AP2A2: variants seen among roughly 807,000 people sequenced by gnomAD.
The protein encoded by AP2A2 is AP-2 complex subunit alpha-2.
AP2A2 carries 32 observed loss-of-function variants against 104.2 expected under a neutral mutation model. The ratio of observed to expected loss-of-function variants is 0.31; its 90% CI spans 0.23 to 0.41. The LOEUF is 0.41. AP2A2 is among the 10% of genes least tolerant of loss of function. AP2A2 has a pLI of 1.00. For missense variants in AP2A2, 912 were observed against 1,261.0 expected, an observed-to-expected ratio of 0.72 and a Z score of 4.19; for synonymous variants, 539 against 533.3, an observed-to-expected ratio of 1.01 and a Z score of -0.15.
intron 5 of AP2A2, among the ~76,000 whole-genome samples, chr11:977,694 G>T (rs1361292819): frequency 6.6e-6 from 1 of 151,790 alleles, no homozygotes; most frequent in South Asian, 2.1e-4. Context: ...TGTGGGGGAG[G>T]GGCTGTGCTA....
In AP2A2 at chr11:941,663, C is replaced by G. The variant is rs1210342291; in HGVS notation, c.67+15575C>G. 4.0e-5 allele frequency among the ~76,000 whole-genome samples: 6 copies of G among 151,706 alleles called. 1 individual carries two copies. The South Asian group carries it at 1.2e-3, about 32-fold the overall frequency. ...AGTGCAGTGGCGTGATCTCGGCTCA[C>G]TGCAATCTCTGACTCCCAGGTTCAA... On this transcript the variant is annotated intron_variant, in intron 1 of 21. Coordinates refer to ENST00000448903, the MANE Select transcript of AP2A2 (RefSeq NM_012305.4).
intron 1 of AP2A2, among the ~76,000 whole-genome samples, chr11:941,145 C>G (rs543627851): frequency 3.6e-4 from 55 of 152,302 alleles, no homozygotes; most frequent in African/African-American, 1.3e-3. Flanking sequence ...AGCCCATCCT[C>G]CTGACATCGG....
At chr11:956,982 G>A (rs1854258648) in intron 1 of AP2A2, 1 of 152,194 alleles carries the variant, frequency 6.6e-6, no homozygotes, top group African/African-American at 2.4e-5. Flanking sequence ...TCTACCTGGA[G>A]GTAGTGTCAG....
At position 959,426 on chromosome 11, in the gene AP2A2, CTTTT is replaced by C. The variant is rs760078045; in HGVS notation, c.68-6_68-3del. The C allele has an allele frequency of 6.7e-7, 1 of 1,503,464 alleles. No homozygotes were observed. Among genetic ancestry groups the C allele is most frequent in the African/African-American group, 1.4e-5 (1 of 71,604 alleles). 93.1% of individuals were successfully genotyped at this position (1,503,464 alleles called of 1,614,324 possible). ...ATTAAAATAAAAATGGCTTTTTGTT[CTTTT>C]TTTTAGGTAAAAGTAAAGAAGCAGA... is the stretch of plus-strand genomic sequence containing the variant. On this transcript the variant is annotated splice_polypyrimidine_tract_variant and splice_region_variant and intron_variant, in intron 1 of 21. Transcript: ENST00000448903.
intron 14 of AP2A2, among the ~76,000 whole-genome samples, chr11:998,598 C>T (rs1444444017): frequency 1.3e-5 from 2 of 152,082 alleles, no homozygotes; most frequent in African/African-American, 2.4e-5. Flanking sequence ...GTTAGGGTGT[C>T]TTGTGTCTCT....
chr11:955,425 C>T (rs1471082633), intron 1 of AP2A2, among the ~76,000 whole-genome samples: 4 of 152,234 alleles, frequency 2.6e-5, no homozygotes, highest in African/African-American at 7.2e-5. Flanking sequence ...CTTGTGGAGC[C>T]GTCCGCTGGT....
intron 6 of AP2A2, among the ~76,000 whole-genome samples, chr11:982,457 T>C (rs1165385359): frequency 6.6e-6 from 1 of 152,248 alleles, no homozygotes; most frequent in Non-Finnish European, 1.5e-5. Context: ...CTGAGTCTTT[T>C]ACCCATTTTT....
intron 1 of AP2A2, among the ~76,000 whole-genome samples, chr11:944,132 C>T (rs555172220): frequency 1.3e-5 from 2 of 152,250 alleles, no homozygotes; most frequent in Admixed American, 6.5e-5. Flanking sequence ...GGAGGAAAAG[C>T]GGACAGGTCG....
chr11:955,150 A>G (rs1854194949), intron 1 of AP2A2, among the ~76,000 whole-genome samples: 1 of 152,180 alleles, frequency 6.6e-6, no homozygotes, highest in Non-Finnish European at 1.5e-5. Context: ...ACTTAATAGC[A>G]CAGATCTGTG....
chr11:954,562 ATG>A (rs1218517592), intron 1 of AP2A2, among the ~76,000 whole-genome samples: 2 of 151,742 alleles, frequency 1.3e-5, no homozygotes, highest in South Asian at 2.1e-4. Flanking sequence ...GTGTTTGTAA[ATG>A]TGTGTATATG....
intron 6 of AP2A2, among the ~76,000 whole-genome samples, chr11:983,868 G>C (rs1042814338): frequency 6.6e-6 from 1 of 152,198 alleles, no homozygotes; most frequent in Non-Finnish European, 1.5e-5. Flanking sequence ...GCCTTTTCCT[G>C]CTTTGTGTTT....
At chr11:985,699 T>G in intron 8 of AP2A2, 117 bp downstream of exon 8, 2 of 1,423,758 alleles carry the variant, frequency 1.4e-6, no homozygotes, top group Non-Finnish European at 1.9e-6. Context: ...CTCCCCTTCG[T>G]CCTGCCTCTG....
intron 16 of AP2A2, among the ~76,000 whole-genome samples, chr11:1,004,466 CTG>C (rs1282382625): frequency 6.6e-6 from 1 of 152,018 alleles, no homozygotes; most frequent in East Asian, 1.9e-4. Context: ...GAGTGAGACT[CTG>C]TAAATAAATA....
chr11:1,011,829 T>TGATGGGCTCAC lies in AP2A2; in HGVS notation c.*1205_*1206insATGGGCTCACG, dbSNP rs1856444201. 3.5e-6 allele frequency: 1 copy of TGATGGGCTCAC among 287,576 alleles called. No individual in the cohort carries two copies. Among genetic ancestry groups the TGATGGGCTCAC allele is most frequent in the South Asian group, 3.1e-5 (1 of 32,394 alleles). 17.8% of individuals were successfully genotyped at this position (287,576 alleles called of 1,614,324 possible). ...TCCCTGGGGCAGCTGCAGGGGCTCA[T>TGATGGGCTCAC]GGACCCATCAGGGTCTCCACAGCTC... On this transcript the variant is annotated 3_prime_UTR_variant, in exon 22 of 22. Coordinates refer to ENST00000448903, the MANE Select transcript of AP2A2 (RefSeq NM_012305.4).
At chr11:988,958 GCA>G (rs934498496) in intron 10 of AP2A2, 25 of 495,638 alleles carry the variant, frequency 5.0e-5, no homozygotes, top group African/African-American at 4.2e-4. Flanking sequence ...TCATGTCACT[GCA>G]CTCTAGCCTG....
chr11:943,878 TC>T (rs1352373784), intron 1 of AP2A2, among the ~76,000 whole-genome samples: 1 of 139,570 alleles, frequency 7.2e-6, no homozygotes, highest in East Asian at 2.1e-4. Flanking sequence ...AGTAAGAGAG[TC>T]CCAACTGGAG....
At chr11:982,809 G>A (rs1855295340) in intron 6 of AP2A2, among the ~76,000 whole-genome samples, 2 of 150,376 alleles carry the variant, frequency 1.3e-5, no homozygotes, top group Non-Finnish European at 3.0e-5. Flanking sequence ...CCGCCAGCAC[G>A]CCTGGCTAAT....
At chr11:966,181 T>C (rs7396473) in intron 2 of AP2A2, among the ~76,000 whole-genome samples, 77,018 of 152,150 alleles carry the variant, frequency 0.51, 20,139 homozygotes, top group Middle Eastern at 0.66. Flanking sequence ...CCAGGAGTTT[T>C]CCAGGTTGTG....
intron 1 of AP2A2, among the ~76,000 whole-genome samples, chr11:929,638 A>G (rs571642307): frequency 6.6e-6 from 1 of 152,264 alleles, no homozygotes; most frequent in South Asian, 2.1e-4. Context: ...TTCAAAAGAG[A>G]AAAAAGAATT....
Sources: gnomAD v4.1 joint callset for allele counts (sites outside exome capture counted in the v4.1 genomes callset) on GRCh38, gnomAD v4.1.1 for gene constraint, MANE v1.5 for transcripts, NCBI Gene and HGNC (gene_info 2026-07-23, HGNC 2026-07-21) for gene names.